The following DPH6 variants were observed in gnomAD, a reference collection of about 807,000 sequenced individuals.
DPH6 encodes diphthamine biosynthesis 6, also known as diphthine--ammonia ligase.
In DPH6, 33 loss-of-function variants were observed where a neutral mutation model predicts 38.2. That is an observed-to-expected ratio of 0.86 (90% CI 0.65 to 1.15). The LOEUF is 1.15. DPH6 is among the 50% of genes most tolerant of loss of function. The probability of loss-of-function intolerance (pLI) is 0.00; values close to 1 mark genes in which losing one functional copy is unlikely to be tolerated. For synonymous variants in DPH6, 108 were observed against 103.0 expected, an observed-to-expected ratio of 1.05 and a Z score of -0.30; for missense variants, 325 against 320.0, an observed-to-expected ratio of 1.02 and a Z score of -0.12.
the DPH6 span, among the ~76,000 whole-genome samples, chr15:35,190,382 G>A: frequency 6.6e-6 from 1 of 152,196 alleles, no homozygotes; most frequent in Non-Finnish European, 1.5e-5. Context: ...GGTGGGTAGG[G>A]GTCTGAAAGT....
intron 6 of DPH6, among the ~76,000 whole-genome samples, chr15:35,389,584 A>G (rs528669967): frequency 1.3e-5 from 2 of 152,196 alleles, no homozygotes; most frequent in African/African-American, 4.8e-5. Flanking sequence ...TGATCTGTTT[A>G]CCATTCTGTA....
downstream of DPH6, among the ~76,000 whole-genome samples, chr15:35,330,160 C>T (rs146455059): frequency 2.5e-3 from 388 of 152,166 alleles, 2 homozygotes; most frequent in African/African-American, 9.0e-3. Context: ...GATTTCTTTG[C>T]TTTCTACAAA....
At chr15:35,251,941 C>A (rs1433228324) in intron 3 of DPH6, among the ~76,000 whole-genome samples, 1 of 152,182 alleles carries the variant, frequency 6.6e-6, no homozygotes, top group African/African-American at 2.4e-5. Flanking sequence ...GGGTTCAAGA[C>A]CAGCCTGGCC....
the DPH6 span, among the ~76,000 whole-genome samples, chr15:35,199,205 G>A: frequency 6.6e-6 from 1 of 152,100 alleles, no homozygotes; most frequent in Non-Finnish European, 1.5e-5. Context: ...GAGCCACCAC[G>A]CCCAGCGAAT....
chr15:35,450,450 A>G (rs994763960), intron 5 of DPH6, among the ~76,000 whole-genome samples: 22 of 148,916 alleles, frequency 1.5e-4, no homozygotes, highest in African/African-American at 5.6e-4. Context: ...AGAACCTGTT[A>G]TATGTTAAAA....
At chr15:35,507,100 C>T (rs1343296021) in intron 3 of DPH6, among the ~76,000 whole-genome samples, 1 of 151,274 alleles carries the variant, frequency 6.6e-6, no homozygotes, top group Non-Finnish European at 1.5e-5. Context: ...TGAACACAGA[C>T]TTTGATCTAT....
At chr15:35,387,745 G>A (rs892890893) in intron 6 of DPH6, among the ~76,000 whole-genome samples, 7 of 152,140 alleles carry the variant, frequency 4.6e-5, no homozygotes, top group Non-Finnish European at 7.3e-5. Flanking sequence ...ATTTTGGGCT[G>A]AGACGATGGG....
chr15:35,290,708 C>T (rs987115006), intron 3 of DPH6, among the ~76,000 whole-genome samples: 47 of 152,262 alleles, frequency 3.1e-4, no homozygotes, highest in African/African-American at 1.1e-3. Flanking sequence ...TACCCACTTC[C>T]GTCCCCCTTT....
intron 3 of DPH6, among the ~76,000 whole-genome samples, chr15:35,248,492 C>T (rs2051650449): frequency 6.6e-6 from 1 of 152,170 alleles, no homozygotes; most frequent in South Asian, 2.1e-4. Context: ...TCCCATTCTC[C>T]ACAACCTCAG....
intron 3 of DPH6, among the ~76,000 whole-genome samples, chr15:35,290,858 T>C (rs1285296040): frequency 6.6e-6 from 1 of 152,082 alleles, no homozygotes; most frequent in African/African-American, 2.4e-5. Context: ...TTATAATATA[T>C]TTTAGAAGGC....
At chr15:35,270,022 A>T (rs2051812459) in intron 3 of DPH6, among the ~76,000 whole-genome samples, 1 of 146,742 alleles carries the variant, frequency 6.8e-6, no homozygotes. Flanking sequence ...TCGATCTCCG[A>T]TCTCCTGACC....
chr15:35,463,819 C>T (rs1410555580), intron 3 of DPH6, among the ~76,000 whole-genome samples: 1 of 152,094 alleles, frequency 6.6e-6, no homozygotes, highest in East Asian at 1.9e-4. Context: ...TCTCTTATCC[C>T]ATGTGCTGGT....
intron 3 of DPH6, among the ~76,000 whole-genome samples, chr15:35,478,026 T>C (rs2141141690): frequency 6.6e-6 from 1 of 152,042 alleles, no homozygotes; most frequent in East Asian, 1.9e-4. Context: ...AGCAAACCTC[T>C]GATACTTTTA....
chr15:35,181,077 C>T, the DPH6 span, among the ~76,000 whole-genome samples: 1 of 152,150 alleles, frequency 6.6e-6, no homozygotes, highest in Non-Finnish European at 1.5e-5. Flanking sequence ...AAATATGGTT[C>T]CACCACCAAT....
chr15:35,191,581 T>C, the DPH6 span, among the ~76,000 whole-genome samples: 3 of 152,170 alleles, frequency 2.0e-5, no homozygotes, highest in Admixed American at 1.3e-4. Context: ...CTTTCCCCTA[T>C]GAAGCCCTTC....
intron 3 of DPH6, among the ~76,000 whole-genome samples, chr15:35,504,311 G>T (rs554660071): frequency 6.6e-6 from 1 of 151,872 alleles, no homozygotes; most frequent in Admixed American, 6.6e-5. Flanking sequence ...AATTATGAGA[G>T]GTATGTGCCA....
intron 6 of DPH6, among the ~76,000 whole-genome samples, chr15:35,396,853 A>T (rs1008908347): frequency 1.3e-5 from 2 of 152,152 alleles, no homozygotes; most frequent in African/African-American, 2.4e-5. Context: ...CTCTGCAGGG[A>T]ACAAGTCTTA....
chr15:35,300,742 C>T (rs759559490), intron 3 of DPH6, among the ~76,000 whole-genome samples: 4 of 152,084 alleles, frequency 2.6e-5, no homozygotes, highest in Non-Finnish European at 4.4e-5. Context: ...AAGTTATGTA[C>T]CAAGGACAGG....
At chr15:35,451,068 T>C (rs1361290744) in intron 4 of DPH6, among the ~76,000 whole-genome samples, 1 of 152,160 alleles carries the variant, frequency 6.6e-6, no homozygotes, top group Non-Finnish European at 1.5e-5. Flanking sequence ...TAGAAATCTA[T>C]GTAAAAGAAT....
Sources: allele counts gnomAD v4.1 joint callset (sites outside exome capture counted in the v4.1 genomes callset), GRCh38; gene constraint gnomAD v4.1.1; transcripts MANE v1.5; gene names NCBI Gene and HGNC (gene_info 2026-07-23, HGNC 2026-07-21).